The following PLCL2 variants were observed in gnomAD, a reference collection of about 807,000 sequenced individuals.
PLCL2 encodes the protein inactive phospholipase C-like protein 2.
Under a neutral mutation model 79.6 loss-of-function variants are expected in PLCL2, and 4 were observed. That is an observed-to-expected ratio of 0.05 (90% CI 0.02 to 0.11). PLCL2 has a LOEUF of 0.11. PLCL2 is among the 10% of genes least tolerant of loss of function. The pLI is 1.00. For synonymous variants in PLCL2, 484 were observed against 457.7 expected (o/e 1.06, Z -0.73); for missense variants, 895 against 1,291.0 (o/e 0.69, Z 4.70).
Position 16,887,797 on chromosome 3 carries a change from T to TA in PLCL2, c.327+2442dup, listed in dbSNP as rs34561965. 9.8e-3 allele frequency among the ~76,000 whole-genome samples: 1,445 copies of TA among 147,166 alleles called. 23 individuals carry two copies. The highest frequency in any genetic ancestry group is 0.03 in the African/African-American group (1,219 of 40,336). ...GCAGAAATTATGTTTCACTTTTGTT[T>TA]AAAAAAAAAAAGAATAAAAAGCTAA... is the stretch of plus-strand genomic sequence containing the variant. On this transcript the variant is annotated intron_variant, in intron 1 of 5. Coordinates refer to ENST00000615277, the MANE Select transcript of PLCL2 (RefSeq NM_001144382.2). The surrounding 1 kb of genome is among the most constrained non-coding windows in gnomAD (Gnocchi z 4.1).
intron 1 of PLCL2, among the ~76,000 whole-genome samples, chr3:16,924,823 A>T (rs1697206950): frequency 6.6e-6 from 1 of 152,168 alleles, no homozygotes; most frequent in African/African-American, 2.4e-5. Flanking sequence ...GTCTTAAAGC[A>T]ATGATTTTTA....
intron 4 of PLCL2, among the ~76,000 whole-genome samples, chr3:17,043,635 A>T (rs2064749938): frequency 6.6e-6 from 1 of 152,166 alleles, no homozygotes; most frequent in South Asian, 2.1e-4. Flanking sequence ...ATAAAAAAAA[A>T]AAATTGTCCT....
rs115037758 is a variant in PLCL2, at chr3:16,928,107, G to C, written c.327+42741G>C. On this transcript the variant is annotated intron_variant, in intron 1 of 5. Transcript: ENST00000615277. ...TGCATTACCTAATTTCATAATTGCTGTGTGAGCATGTACTGCATGCTAGCT... is the reference window on the plus strand; with the variant it reads ...TGCATTACCTAATTTCATAATTGCTCTGTGAGCATGTACTGCATGCTAGCT... 9.0e-3 allele frequency among the ~76,000 whole-genome samples: 1,365 copies of C among 152,336 alleles called. 24 individuals carry two copies. Among genetic ancestry groups the C allele is most frequent in the African/African-American group, 0.031 (1,301 of 41,568 alleles).
intron 1 of PLCL2, among the ~76,000 whole-genome samples, chr3:16,948,647 A>C (rs2063623474): frequency 6.6e-6 from 1 of 152,218 alleles, no homozygotes; most frequent in African/African-American, 2.4e-5. Context: ...ACAGAGGTAA[A>C]TACACAGTGA....
At chr3:17,001,984 G>A (rs764570706) in intron 1 of PLCL2, among the ~76,000 whole-genome samples, 2 of 151,928 alleles carry the variant, frequency 1.3e-5, no homozygotes, top group African/African-American at 2.4e-5. Flanking sequence ...GCATGAACAC[G>A]GGATGGCTTT....
intron 3 of PLCL2, among the ~76,000 whole-genome samples, chr3:17,022,312 A>G: frequency 6.6e-6 from 1 of 152,168 alleles, no homozygotes; most frequent in Non-Finnish European, 1.5e-5. Flanking sequence ...ATGCAAAAGT[A>G]GAGGAGTTAC....
rs140113907 is a variant in PLCL2, at chr3:17,011,977, C to G, written c.2631C>G (p.His877Gln). Residue 877 changes from histidine (H) to glutamine (Q), a missense_variant, in exon 2 of 6, where the codon CAC (histidine) becomes CAG (glutamine). Physicochemically the swap from His to Gln is conservative, Grantham distance 24. Coordinates refer to ENST00000615277, the MANE Select transcript of PLCL2 (RefSeq NM_001144382.2). This position sits in a 1 kb window ranked among gnomAD's most constrained non-coding sequence, Gnocchi z 7.9. ...EVLAHASLFVHVAITNRRGGG... is the reference protein window; with the variant it reads ...EVLAHASLFVQVAITNRRGGG... ...TTGCACATGCTTCTTTATTTGTCCA[C>G]GTGGCTATTACTAACCGAAGAGGAG... 1 of 1,614,008 alleles carries G rather than the reference C, an allele frequency of 6.2e-7. No homozygotes were observed. Among genetic ancestry groups the G allele is most frequent in the African/African-American group, 1.3e-5 (1 of 74,910 alleles).
chr3:16,908,236 C>G (rs534914720), intron 1 of PLCL2, among the ~76,000 whole-genome samples: 1 of 152,274 alleles, frequency 6.6e-6, no homozygotes, highest in East Asian at 1.9e-4. Flanking sequence ...CCACTTATCC[C>G]CATCCTGTGT....
At chr3:16,980,202 C>G (rs2063972296) in intron 1 of PLCL2, among the ~76,000 whole-genome samples, 1 of 138,112 alleles carries the variant, frequency 7.2e-6, no homozygotes, top group Middle Eastern at 3.5e-3. Flanking sequence ...GGGCTCCTCA[C>G]TTCCCAGTAG....
chr3:16,917,043 G>C (rs1349164519), intron 1 of PLCL2, among the ~76,000 whole-genome samples: 1 of 152,156 alleles, frequency 6.6e-6, no homozygotes. Context: ...AGATAGCTAT[G>C]CTATAAAAGG....
rs2064313249 is a variant in PLCL2 at position 17,010,834 on chromosome 3, C to T, written c.1488C>T (p.Phe496=). 1 of 1,614,122 alleles carries T rather than the reference C, an allele frequency of 6.2e-7. No homozygotes were observed. The highest frequency in any genetic ancestry group is 8.5e-7 in the Non-Finnish European group (1 of 1,180,016). ...TGHTMTSQIV[F]RSVIDIINKY... is the part of the protein sequence containing the mutation. ...ACACCATGACCTCTCAGATAGTTTT[C>T]CGCAGTGTCATTGATATTATTAACA... The change falls in exon 2 of 6, where the codon TTC becomes TTT. Residue 496 remains phenylalanine (F), a synonymous_variant. Transcript: ENST00000615277. This position sits in a 1 kb window ranked among gnomAD's most constrained non-coding sequence, Gnocchi z 5.8.
chr3:16,919,502 G>A (rs1311321781), intron 1 of PLCL2, among the ~76,000 whole-genome samples: 1 of 151,750 alleles, frequency 6.6e-6, no homozygotes, highest in African/African-American at 2.4e-5. Context: ...TTGTTCTATT[G>A]TATCCCTTTT....
At chr3:17,022,276 G>A (rs1180752783) in intron 3 of PLCL2, among the ~76,000 whole-genome samples, 1 of 152,080 alleles carries the variant, frequency 6.6e-6, no homozygotes, top group Non-Finnish European at 1.5e-5. Flanking sequence ...TAAGATATTC[G>A]AAGTACTGTA....
In PLCL2 at chr3:17,028,370, G is replaced by C. The variant is rs1355382338; in HGVS notation, c.3018+13459G>C. Among the ~76,000 whole-genome samples, 4 of 152,210 alleles carry C rather than the reference G, an allele frequency of 2.6e-5. No individual in the cohort carries two copies. The South Asian group carries it at 8.3e-4, about 32-fold the overall frequency. On this transcript the variant is annotated intron_variant, in intron 3 of 5. Transcript: ENST00000615277. ...CTCCCACCTGAGGAATGGGAAAGAT[G>C]CTCTGAAGCCTCTGGATTCCCACAC...
At chr3:17,046,775 T>TG (rs1402292358) in intron 4 of PLCL2, among the ~76,000 whole-genome samples, 1 of 152,118 alleles carries the variant, frequency 6.6e-6, no homozygotes, top group African/African-American at 2.4e-5. Flanking sequence ...AAGCTGGTCT[T>TG]GGGGGGCCTG....
chr3:16,964,853 T>C (rs908815001), intron 1 of PLCL2, among the ~76,000 whole-genome samples: 5 of 152,212 alleles, frequency 3.3e-5, no homozygotes, highest in African/African-American at 4.8e-5. Context: ...CTTTGCCCAC[T>C]TTTTGATAGG....
intron 1 of PLCL2, among the ~76,000 whole-genome samples, chr3:16,906,214 T>C (rs1036958363): frequency 6.6e-6 from 1 of 152,194 alleles, no homozygotes; most frequent in African/African-American, 2.4e-5. Flanking sequence ...CCTAAAAATA[T>C]TGTGGGGCTG....
chr3:16,899,655 A>G (rs535038158), intron 1 of PLCL2, among the ~76,000 whole-genome samples: 2 of 152,154 alleles, frequency 1.3e-5, no homozygotes, highest in South Asian at 4.1e-4. Context: ...TTTCGGGACC[A>G]GGGCAAGTAC....
intron 5 of PLCL2, chr3:17,081,109 GC>G: frequency 2.2e-6 from 1 of 452,968 alleles, no homozygotes; most frequent in Non-Finnish European, 4.4e-6. Flanking sequence ...CACTTCCCTT[GC>G]ATCCCCTCTT....
Sources: gnomAD v4.1 joint callset for allele counts (sites outside exome capture counted in the v4.1 genomes callset) on GRCh38, gnomAD v4.1.1 for gene constraint, Gnocchi (gnomAD v3.1) non-coding constraint, MANE v1.5 for transcripts, NCBI Gene and HGNC (gene_info 2026-07-23, HGNC 2026-07-21) for gene names.